SEC14L1: variants seen among roughly 807,000 people sequenced by gnomAD.
SEC14L1 encodes SEC14-like protein 1.
SEC14L1 carries 48 observed loss-of-function variants against 85.3 expected under a neutral mutation model. The ratio of observed to expected loss-of-function variants is 0.56; its 90% confidence interval spans 0.45 to 0.72. The LOEUF is 0.72. Among genes scored for constraint, SEC14L1 ranks in the 30% least tolerant of loss-of-function variants. The pLI, the probability that SEC14L1 is intolerant of heterozygous loss-of-function variation, is 0.00. For missense variants in SEC14L1, 682 were observed against 921.4 expected (o/e 0.74, Z 3.36); for synonymous variants, 391 against 355.5 (o/e 1.10, Z -1.12).
At position 77,168,988 on chromosome 17, in the gene SEC14L1, A is replaced by G. The variant is rs536756365; in HGVS notation, c.64-21815A>G. On this transcript the variant is annotated intron_variant, in intron 3 of 16. Transcript: ENST00000436233. ...AGCAGCTACATAAATGTGAGGGTCA[A>G]AAGACCCGTGAGGAGCATCTTTTTT... is the stretch of plus-strand genomic sequence containing the variant. 3.4e-5 allele frequency among the ~76,000 whole-genome samples: 5 copies of G among 148,916 alleles called. No individual in the cohort carries two copies. In the East Asian group the frequency reaches 1.0e-3, roughly 30 times the overall value.
At chr17:77,133,512 G>C (rs1259736318) in intron 3 of SEC14L1, among the ~76,000 whole-genome samples, 1 of 152,198 alleles carries the variant, frequency 6.6e-6, no homozygotes, top group Admixed American at 6.5e-5. Flanking sequence ...ACAGTGTCTT[G>C]CTATGGACTC....
intron 3 of SEC14L1, among the ~76,000 whole-genome samples, chr17:77,188,117 A>G (rs762913045): frequency 4.6e-5 from 7 of 152,240 alleles, no homozygotes; most frequent in Non-Finnish European, 1.0e-4. Flanking sequence ...TAATTTAATT[A>G]TTCACAAGGA....
chr17:77,128,646 A>G (rs1359409971), intron 3 of SEC14L1, among the ~76,000 whole-genome samples: 1 of 151,304 alleles, frequency 6.6e-6, no homozygotes. Context: ...TTTAGTAGAG[A>G]TGGGGTTTCA....
chr17:77,156,466 T>TGGGGAGGCTGAGGCAC (rs1598313999), intron 3 of SEC14L1, among the ~76,000 whole-genome samples: 1 of 151,454 alleles, frequency 6.6e-6, no homozygotes, highest in Admixed American at 6.6e-5. Context: ...TCCTAGCTAC[T>TGGGGAGGCTGAGGCAC]GGGGAGGCTG....
intron 3 of SEC14L1, among the ~76,000 whole-genome samples, chr17:77,164,245 C>T (rs1297612879): frequency 6.6e-6 from 1 of 152,228 alleles, no homozygotes; most frequent in Non-Finnish European, 1.5e-5. Context: ...GGCCATCAGC[C>T]CACGGCGCTC....
intron 3 of SEC14L1, among the ~76,000 whole-genome samples, chr17:77,150,294 G>C (rs1973498070): frequency 6.6e-6 from 1 of 152,184 alleles, no homozygotes; most frequent in Admixed American, 6.5e-5. Context: ...CCAGTGACTA[G>C]TGTAAGACTG....
intron 15 of SEC14L1, 35 bp downstream of exon 15, chr17:77,212,236 G>A (rs562608282): frequency 1.2e-6 from 2 of 1,606,238 alleles, no homozygotes; most frequent in Non-Finnish European, 1.7e-6. Context: ...GCGCATCCGT[G>A]ACTCCACACG....
At chr17:77,192,140 A>G (rs940307239) in intron 5 of SEC14L1, among the ~76,000 whole-genome samples, 4 of 152,166 alleles carry the variant, frequency 2.6e-5, no homozygotes, top group African/African-American at 9.6e-5. Context: ...TCTTACTGTA[A>G]TATGTTAGAA....
chr17:77,177,029 AG>A (rs747962782), intron 3 of SEC14L1, among the ~76,000 whole-genome samples: 9 of 152,152 alleles, frequency 5.9e-5, no homozygotes, highest in African/African-American at 9.7e-5. Flanking sequence ...CTTCAACTTA[AG>A]TTTATTATTT....
intron 3 of SEC14L1, among the ~76,000 whole-genome samples, chr17:77,168,436 C>A (rs576927202): frequency 6.6e-6 from 1 of 152,232 alleles, no homozygotes; most frequent in South Asian, 2.1e-4. Flanking sequence ...TTGCATTAAC[C>A]CATGGATACA....
At chr17:77,151,201 G>A (rs1973540289) in intron 3 of SEC14L1, among the ~76,000 whole-genome samples, 1 of 152,144 alleles carries the variant, frequency 6.6e-6, no homozygotes, top group Non-Finnish European at 1.5e-5. Flanking sequence ...GGAGGGAAAT[G>A]TTCCATTTTC....
chr17:77,181,407 G>C (rs1975029938), intron 3 of SEC14L1, among the ~76,000 whole-genome samples: 1 of 152,170 alleles, frequency 6.6e-6, no homozygotes, highest in Non-Finnish European at 1.5e-5. Context: ...GCTGTATATA[G>C]TTATACATTT....
At chr17:77,128,758 T>C (rs2143436906) in intron 3 of SEC14L1, among the ~76,000 whole-genome samples, 1 of 152,252 alleles carries the variant, frequency 6.6e-6, no homozygotes, top group South Asian at 2.1e-4. Context: ...CTGGCCACGC[T>C]TGGGCATTTT....
At position 77,201,412 on chromosome 17, in the gene SEC14L1, A is replaced by G. The variant is rs75308270; in HGVS notation, c.1009+739A>G. Among the ~76,000 whole-genome samples, 1,451 of 149,414 alleles carry G rather than the reference A, an allele frequency of 9.7e-3. 16 individuals carry two copies. Among genetic ancestry groups the G allele is most frequent in the Middle Eastern group, 0.024 (7 of 290 alleles). ...CTGTGATTATGACTTCATCTTTTGT[A>G]TTGTTAAAAAGTTTGGTAGTAAGAC... On this transcript the variant is annotated intron_variant, in intron 9 of 16. Coordinates refer to ENST00000436233, the MANE Select transcript of SEC14L1 (RefSeq NM_001143998.2).
At position 77,216,435 on chromosome 17, in the gene SEC14L1, CGTAGGTAGGGTTA is replaced by C. The variant is rs1192663964; in HGVS notation, c.*2417_*2429del. On this transcript the variant is annotated 3_prime_UTR_variant, in exon 17 of 17. Transcript: ENST00000436233. ...GTAGGTAGGGTTCGTAGGTAGGGTT[CGTAGGTAGGGTTA>C]GTAGCGCGTCTGTGCTGCTTCCACC... 1.9e-4 allele frequency: 274 copies of C among 1,458,058 alleles called. No homozygotes were observed. The highest frequency in any genetic ancestry group is 6.1e-4 in the Admixed American group (32 of 52,082). The allele number at this position is 1,458,058 out of a possible 1,614,324, so 90.3% of individuals were successfully genotyped here. A position where few individuals can be genotyped will look rare whatever the true frequency, so the allele number is the denominator to read the frequency against.
At chr17:77,194,970 TTCTC>T in intron 7 of SEC14L1, 59 bp downstream of exon 7, 5 of 1,262,014 alleles carry the variant, frequency 4.0e-6, no homozygotes, top group Non-Finnish European at 5.7e-6. Flanking sequence ...CGTTGCCGTT[TTCTC>T]TCTGTTTGCT....
At chr17:77,196,475 G>A (rs753814324) in intron 8 of SEC14L1, among the ~76,000 whole-genome samples, 164 bp downstream of exon 8, 6 of 152,186 alleles carry the variant, frequency 3.9e-5, no homozygotes, top group Non-Finnish European at 5.9e-5. Flanking sequence ...AATCTAAGTC[G>A]TTTATAGCAA....
At chr17:77,209,145 A>G (rs1202145417) in intron 13 of SEC14L1, among the ~76,000 whole-genome samples, 197 bp from the exon 14 acceptor site, 8 of 152,224 alleles carry the variant, frequency 5.3e-5, no homozygotes, top group African/African-American at 1.9e-4. Context: ...TATGCAGAGT[A>G]AAACACATGT....
intron 3 of SEC14L1, among the ~76,000 whole-genome samples, chr17:77,177,842 A>G (rs1029798102): frequency 6.6e-6 from 1 of 152,194 alleles, no homozygotes; most frequent in African/African-American, 2.4e-5. Context: ...AATAACTGAC[A>G]TATACCTAGT....
Sources: allele counts gnomAD v4.1 joint callset (sites outside exome capture counted in the v4.1 genomes callset), GRCh38; gene constraint gnomAD v4.1.1; transcripts MANE v1.5; gene names NCBI Gene and HGNC (gene_info 2026-07-23, HGNC 2026-07-21).